ROBO1: variants seen among roughly 807,000 people sequenced by gnomAD.
ROBO1 encodes roundabout homolog 1.
Under a neutral mutation model 195.9 loss-of-function variants are expected in ROBO1, and 149 were observed. The ratio of observed to expected loss-of-function variants is 0.76; its 90% CI spans 0.67 to 0.87. ROBO1 has a LOEUF of 0.87. Among genes scored for constraint, ROBO1 ranks in the 40% least tolerant of loss-of-function variants. The pLI, the probability that ROBO1 is intolerant of heterozygous loss-of-function variation, is 0.00. For synonymous variants in ROBO1, 816 were observed against 733.2 expected, an observed-to-expected ratio of 1.11 and a Z score of -1.82; for missense variants, 1,933 against 2,068.3, an observed-to-expected ratio of 0.93 and a Z score of 1.27.
chr3:78,962,497 A>G (rs2041405952), intron 3 of ROBO1, among the ~76,000 whole-genome samples: 1 of 134,166 alleles, frequency 7.5e-6, no homozygotes, highest in Non-Finnish European at 1.6e-5. Context: ...CTTCCCTGGT[A>G]CTGTCAGAGA....
intron 2 of ROBO1, among the ~76,000 whole-genome samples, chr3:79,161,330 C>G (rs368925947): frequency 6.6e-6 from 1 of 151,762 alleles, no homozygotes; most frequent in Non-Finnish European, 1.5e-5. Flanking sequence ...TTTGCTTAAA[C>G]AAGTCAAGTT....
rs80292761 is a variant in ROBO1, at chr3:79,108,176, T to C, written c.172+17280A>G. Reference sequence around the variant, plus strand: ...GTTACTGATTTTGATCAACTCTCTCTTTTTCTTCCTTGATACATAGAAAGT... The same window carrying C: ...GTTACTGATTTTGATCAACTCTCTCCTTTTCTTCCTTGATACATAGAAAGT... On this transcript the variant is annotated intron_variant, in intron 3 of 30. Transcript: ENST00000464233. 8.2e-3 allele frequency among the ~76,000 whole-genome samples: 1,240 copies of C among 151,818 alleles called. 20 individuals carry two copies. Among genetic ancestry groups the C allele is most frequent in the African/African-American group, 0.029 (1,189 of 41,530 alleles).
chr3:79,344,236 T>G (rs1049828542), intron 2 of ROBO1, among the ~76,000 whole-genome samples: 1 of 152,212 alleles, frequency 6.6e-6, no homozygotes, highest in East Asian at 1.9e-4. Context: ...GCAGTGGTTC[T>G]CAATCCAAGG....
At chr3:78,793,858 C>A (rs956499595) in intron 4 of ROBO1, among the ~76,000 whole-genome samples, 2 of 150,856 alleles carry the variant, frequency 1.3e-5, no homozygotes, top group Admixed American at 6.6e-5. Flanking sequence ...TTTCTATGAC[C>A]GAAAAGACTA....
chr3:79,027,248 A>G (rs2078218991), intron 3 of ROBO1, among the ~76,000 whole-genome samples: 2 of 152,094 alleles, frequency 1.3e-5, no homozygotes, highest in Admixed American at 1.3e-4. Context: ...TTTAGATGTT[A>G]TTTTTGGAGT....
chr3:79,762,609 A>AACACACACACACACACACACAC lies in ROBO1; in HGVS notation c.-51+5121_-51+5142dup, dbSNP rs60977072. On this transcript the variant is annotated intron_variant, in intron 1 of 30. Coordinates refer to ENST00000464233, the MANE Select transcript of ROBO1 (RefSeq NM_002941.4). ...ACCATTTGGGGCAGAATTCTGGACA[A>AACACACACACACACACACACAC]ACACACACACACACACACACACAAA... Among the ~76,000 whole-genome samples the AACACACACACACACACACACAC allele has an allele frequency of 6.0e-3, 874 of 146,694 alleles. 5 individuals are homozygous for AACACACACACACACACACACAC. Among genetic ancestry groups the AACACACACACACACACACACAC allele is most frequent in the African/African-American group, 0.013 (529 of 39,208 alleles).
chr3:79,417,022 A>G (rs2038032655), intron 2 of ROBO1, among the ~76,000 whole-genome samples: 1 of 152,152 alleles, frequency 6.6e-6, no homozygotes, highest in Admixed American at 6.5e-5. Flanking sequence ...TTCCAACATT[A>G]AATACCTAGG....
intron 5 of ROBO1, among the ~76,000 whole-genome samples, chr3:78,720,644 C>T (rs537464419): frequency 1.8e-4 from 28 of 152,278 alleles, no homozygotes; most frequent in African/African-American, 3.8e-4. Flanking sequence ...CACATGCACA[C>T]GCATGTTTAT....
chr3:78,668,582 AAAAT>A lies in ROBO1; in HGVS notation c.1549-21_1549-18del, dbSNP rs1216676133. The stretch of plus-strand genomic sequence containing the variant: ...ATCACCCAGCTGAGAAGGCAGACAA[AAAAT>A]AAATATTTGGAAAAATCAAGAACTC... On this transcript the variant is annotated intron_variant, in intron 11 of 30. Coordinates refer to ENST00000464233, the MANE Select transcript of ROBO1 (RefSeq NM_002941.4). 1.2e-6 allele frequency: 2 copies of A among 1,611,720 alleles called. No individual in the cohort carries two copies. The highest frequency in any genetic ancestry group is 2.7e-5 in the African/African-American group (2 of 74,874).
At chr3:78,982,495 T>C (rs2077019097) in intron 3 of ROBO1, among the ~76,000 whole-genome samples, 1 of 152,194 alleles carries the variant, frequency 6.6e-6, no homozygotes, top group South Asian at 2.1e-4. Flanking sequence ...CACCAAATGC[T>C]AGTACTGGGT....
intron 3 of ROBO1, among the ~76,000 whole-genome samples, chr3:78,972,471 A>G (rs949457796): frequency 6.6e-6 from 1 of 152,204 alleles, no homozygotes; most frequent in Non-Finnish European, 1.5e-5. Context: ...TACAATTTGA[A>G]AACAAACAAT....
rs117534895 is a variant in ROBO1 at position 79,540,672 on chromosome 3, G to A, written c.88+49152C>T. On this transcript the variant is annotated intron_variant, in intron 2 of 30. Transcript: ENST00000464233. Reference sequence around the variant, plus strand: ...CCCAGTTCAACAAACTCAACTGTCCGATTTCACTTTTATCTGCTTTGAGAA... The same window carrying A: ...CCCAGTTCAACAAACTCAACTGTCCAATTTCACTTTTATCTGCTTTGAGAA... 1.4e-4 allele frequency among the ~76,000 whole-genome samples: 21 copies of A among 152,088 alleles called. No individual in the cohort carries two copies. In the East Asian group the frequency reaches 3.7e-3, roughly 27 times the overall value.
At chr3:79,239,696 T>C (rs1173706095) in intron 2 of ROBO1, among the ~76,000 whole-genome samples, 1 of 152,200 alleles carries the variant, frequency 6.6e-6, no homozygotes, top group African/African-American at 2.4e-5. Context: ...AATAACTATG[T>C]ATAAATATTG....
At chr3:78,979,285 A>G (rs2076942981) in intron 3 of ROBO1, among the ~76,000 whole-genome samples, 1 of 152,196 alleles carries the variant, frequency 6.6e-6, no homozygotes. Flanking sequence ...TAATCAGCCA[A>G]CGTGAAATAA....
At chr3:78,833,462 TAAC>T (rs1252471995) in intron 4 of ROBO1, among the ~76,000 whole-genome samples, 4 of 152,026 alleles carry the variant, frequency 2.6e-5, no homozygotes, top group East Asian at 1.9e-4. Context: ...ATAAAACAAA[TAAC>T]AATGAAAGAT....
chr3:79,624,989 A>G (rs1199360873), intron 1 of ROBO1, among the ~76,000 whole-genome samples: 1 of 152,226 alleles, frequency 6.6e-6, no homozygotes, highest in Non-Finnish European at 1.5e-5. Flanking sequence ...CTGAAATTAT[A>G]ACAAACAGTC....
intron 2 of ROBO1, among the ~76,000 whole-genome samples, chr3:79,271,281 T>C (rs1247083922): frequency 7.9e-5 from 12 of 151,956 alleles, no homozygotes; most frequent in Non-Finnish European, 1.0e-4. Context: ...TTATTCTTAC[T>C]TTTCATGTCC....
At chr3:78,711,376 TTCCTTCCTTC>T (rs1559773208) in intron 8 of ROBO1, among the ~76,000 whole-genome samples, 104 of 28,914 alleles carry the variant, frequency 3.6e-3, no homozygotes, top group Non-Finnish European at 6.1e-3. Flanking sequence ...CCTTCCTTCC[TTCCTTCCTTC>T]CTTCCTTCCT....
intron 4 of ROBO1, among the ~76,000 whole-genome samples, chr3:78,857,051 C>T (rs568860408): frequency 2.7e-4 from 41 of 152,120 alleles, no homozygotes; most frequent in African/African-American, 9.4e-4. Context: ...GCATTTGTAT[C>T]TATACTCATT....
Sources: allele counts gnomAD v4.1 joint callset (sites outside exome capture counted in the v4.1 genomes callset), GRCh38; gene constraint gnomAD v4.1.1; transcripts MANE v1.5; gene names NCBI Gene and HGNC (gene_info 2026-07-23, HGNC 2026-07-21).